ACACB: variants seen among roughly 807,000 people sequenced by gnomAD.
ACACB encodes the protein acetyl-CoA carboxylase beta.
In ACACB, 209 loss-of-function variants were observed where a neutral mutation model predicts 278.8. The ratio of observed to expected loss-of-function variants is 0.75; its 90% CI spans 0.67 to 0.84. ACACB has a LOEUF of 0.84. Ranked by LOEUF, ACACB falls within the 40% of genes least tolerant of loss-of-function variation. The pLI is 0.00. For missense variants in ACACB, 2,850 were observed against 3,269.0 expected (o/e 0.87, Z 3.13); for synonymous variants, 1,174 against 1,285.6 (o/e 0.91, Z 1.86).
At chr12:109,252,322 GA>G (rs112165408) in intron 42 of ACACB, 166 bp downstream of exon 42, 844 of 443,830 alleles carry the variant, frequency 1.9e-3, no homozygotes, top group South Asian at 4.2e-3. Context: ...GTCCTTATGA[GA>G]AAAAAAAAAT....
At chr12:109,197,412 C>G (rs2045175699) in intron 17 of ACACB, among the ~76,000 whole-genome samples, 1 of 152,124 alleles carries the variant, frequency 6.6e-6, no homozygotes, top group African/African-American at 2.4e-5. Flanking sequence ...GGACATGACT[C>G]CCAGCTCTGT....
intron 19 of ACACB, among the ~76,000 whole-genome samples, chr12:109,205,817 G>A (rs2045487316): frequency 6.6e-6 from 1 of 152,096 alleles, no homozygotes; most frequent in Non-Finnish European, 1.5e-5. Context: ...TGTGGGTGGA[G>A]GGGTAGAGGG....
intron 22 of ACACB, 87 bp downstream of exon 22, chr12:109,213,023 A>G: frequency 3.4e-6 from 4 of 1,189,496 alleles, no homozygotes; most frequent in Non-Finnish European, 5.0e-6. Context: ...GGCTGTCTTC[A>G]GGGCAGGCTT....
At position 109,139,848 on chromosome 12, in the gene ACACB, C is replaced by A. The variant is rs766355541; in HGVS notation, c.443C>A (p.Ser148Tyr). ...CAGGGCCAGCAAGCTGGCTCCCCCTCCAAAGAAGACAAGAAGCAGGCAAAC... is the reference window on the plus strand; with the variant it reads ...CAGGGCCAGCAAGCTGGCTCCCCCTACAAAGAAGACAAGAAGCAGGCAAAC... ...RPQGQQAGSP[S>Y]KEDKKQANIK... The change falls in exon 2 of 53, where the codon TCC becomes TAC. Residue 148 changes from serine (S) to tyrosine (Y), a missense_variant. Physicochemically the swap from Ser to Tyr is moderately radical, Grantham distance 144. This residue lies in a region of ACACB where 2,265 missense variants were observed against 2,561.3 expected (regional missense o/e 0.88). Transcript: ENST00000338432. 1.2e-6 allele frequency: 2 copies of A among 1,614,146 alleles called. No individual in the cohort carries two copies. The highest frequency in any genetic ancestry group is 2.2e-5 in the South Asian group (2 of 91,072).
intron 28 of ACACB, among the ~76,000 whole-genome samples, chr12:109,227,776 T>A (rs1391434620): frequency 6.6e-6 from 1 of 152,222 alleles, no homozygotes; most frequent in Non-Finnish European, 1.5e-5. Flanking sequence ...CTCATGCCTG[T>A]AATCCCAGCA....
chr12:109,167,271 C>T (rs2043940560), intron 3 of ACACB: 2 of 327,370 alleles, frequency 6.1e-6, no homozygotes, highest in Non-Finnish European at 1.1e-5. Context: ...CACAATGACA[C>T]CAAAGGAATA....
At chr12:109,167,063 G>A in intron 3 of ACACB, 70 bp downstream of exon 3, 1 of 1,602,254 alleles carries the variant, frequency 6.2e-7, no homozygotes, top group Admixed American at 1.7e-5. Flanking sequence ...TCAGCTGGAG[G>A]TGGGAGATTC....
intron 31 of ACACB, among the ~76,000 whole-genome samples, chr12:109,234,801 G>C (rs1413176171): frequency 6.6e-6 from 1 of 152,026 alleles, no homozygotes; most frequent in African/African-American, 2.4e-5. Flanking sequence ...GGCCTGTCGG[G>C]GGGTGGGGGC....
chr12:109,148,961 A>G (rs2300457), intron 2 of ACACB, among the ~76,000 whole-genome samples: 23,786 of 152,184 alleles, frequency 0.16, 2,112 homozygotes, highest in East Asian at 0.25. Flanking sequence ...AATGCATTTT[A>G]ACAATGTATA....
At chr12:109,227,065 C>T (rs574832120) in intron 27 of ACACB, among the ~76,000 whole-genome samples, 1 of 152,222 alleles carries the variant, frequency 6.6e-6, no homozygotes, top group Admixed American at 6.5e-5. Flanking sequence ...ATCCTCCCAC[C>T]TCAGCCTCCC....
chr12:109,194,879 G>A (rs571951469), intron 16 of ACACB, among the ~76,000 whole-genome samples: 1 of 152,182 alleles, frequency 6.6e-6, no homozygotes, highest in South Asian at 2.1e-4. Context: ...ACAGAATAGT[G>A]GGCCCGGGTC....
In ACACB at chr12:109,193,737, C is replaced by G; in HGVS notation, c.2481+8C>G. ...GTTAAGTACATTCTCAAGGTAAATG[C>G]CCCCGTGCCTCTCCGATGTCTCCAA... On this transcript the variant is annotated splice_region_variant and intron_variant, in intron 16 of 52. Transcript: ENST00000338432. The G allele has an allele frequency of 1.2e-6, 2 of 1,606,850 alleles. No individual in the cohort carries two copies. The highest frequency in any genetic ancestry group is 1.7e-6 in the Non-Finnish European group (2 of 1,173,566).
chr12:109,237,460 G>T lies in ACACB; in HGVS notation c.4662+80G>T, dbSNP rs75426657. 297 of 1,421,412 alleles carry T rather than the reference G, an allele frequency of 2.1e-4. 3 individuals are homozygous for T. The East Asian group carries it at 7.3e-3, about 35-fold the overall frequency. The allele number at this position is 1,421,412 out of a possible 1,614,324, so 88.0% of individuals were successfully genotyped here. A position where few individuals can be genotyped will look rare whatever the true frequency, so the allele number is the denominator to read the frequency against. ...ACATTCCTGCTCTGTGCTGGGTCCT[G>T]GGCTGCATGCTGGGGATGGAGAGTA... is the stretch of plus-strand genomic sequence containing the variant. On this transcript the variant is annotated intron_variant, in intron 34 of 52. Coordinates refer to ENST00000338432, the MANE Select transcript of ACACB (RefSeq NM_001093.4).
In ACACB at chr12:109,256,229, C is replaced by T. The variant is rs1399317882; in HGVS notation, c.6256C>T (p.Arg2086Ter). The stretch of plus-strand genomic sequence containing the variant: ...CTGGGCGCAGACCGTGGTGACAGGA[C>T]GAGCAAGGTAATCATGAAGACGGGA... Reference protein sequence around the residue: ...APWAQTVVTGRARLGGIPVGV... With the variant: ...APWAQTVVTG Residue 2086 changes from arginine to a stop codon, truncating the protein, a stop_gained, in exon 45 of 53, where the codon CGA (arginine) becomes TGA (stop). Transcript: ENST00000338432. LOFTEE classifies it high-confidence loss of function. 3.7e-6 allele frequency: 6 copies of T among 1,613,708 alleles called. No individual in the cohort carries two copies. The highest frequency in any genetic ancestry group is 2.2e-5 in the East Asian group (1 of 44,858).
At chr12:109,144,738 TTTTCTTTC>T (rs1305333298) in intron 2 of ACACB, among the ~76,000 whole-genome samples, 1 of 118,338 alleles carries the variant, frequency 8.5e-6, no homozygotes, top group East Asian at 2.7e-4. Flanking sequence ...TTCTTTTTCT[TTTTCTTTC>T]TTTCTTTCTT....
chr12:109,206,501 A>G (rs1215289546), intron 19 of ACACB, among the ~76,000 whole-genome samples: 30 of 150,414 alleles, frequency 2.0e-4, no homozygotes. Flanking sequence ...GTACTGGGCC[A>G]TTTGCAAAAG....
intron 16 of ACACB, among the ~76,000 whole-genome samples, chr12:109,195,940 G>A (rs1338190534): frequency 7.2e-5 from 11 of 152,188 alleles, no homozygotes; most frequent in Admixed American, 5.9e-4. Context: ...AGGGGTCACC[G>A]TATCAGACAG....
At chr12:109,227,893 C>T (rs147290418) in intron 28 of ACACB, among the ~76,000 whole-genome samples, 5,219 of 151,604 alleles carry the variant, frequency 0.034, 128 homozygotes, top group Non-Finnish European at 0.045. Context: ...ATTAGCCGGG[C>T]GTGGTGGCAC....
chr12:109,170,955 G>A (rs1252622691), intron 4 of ACACB, among the ~76,000 whole-genome samples: 1 of 151,322 alleles, frequency 6.6e-6, no homozygotes, highest in Non-Finnish European at 1.5e-5. Context: ...TCCTGCCTTG[G>A]CCTCCCAAGT....
Sources: allele counts gnomAD v4.1 joint callset (sites outside exome capture counted in the v4.1 genomes callset), GRCh38; gene constraint gnomAD v4.1.1; regional missense constraint gnomAD v4.1.1; transcripts MANE v1.5; gene names NCBI Gene and HGNC (gene_info 2026-07-23, HGNC 2026-07-21).